Variants in HDGFL2 observed in about 807,000 individuals in gnomAD.
HDGFL2 encodes HDGF like 2.
In HDGFL2, 36 loss-of-function variants were observed where a neutral mutation model predicts 77.1. That is an observed-to-expected ratio of 0.47 (90% CI 0.36 to 0.62). The LOEUF (loss-of-function observed/expected upper bound fraction) is 0.62, where lower values mean the gene tolerates loss of function less well. HDGFL2 is among the 20% of genes least tolerant of loss of function. The pLI is 0.00. For missense variants in HDGFL2, 976 were observed against 973.4 expected, an observed-to-expected ratio of 1.00 and a Z score of -0.04; for synonymous variants, 463 against 413.1, an observed-to-expected ratio of 1.12 and a Z score of -1.46.
chr19:4,491,281 C>A (rs1599714797), intron 4 of HDGFL2, among the ~76,000 whole-genome samples: 2 of 126,220 alleles, frequency 1.6e-5, no homozygotes, highest in African/African-American at 5.8e-5. Flanking sequence ...CCCCCCACCC[C>A]CCCCGGCGCA....
rs58802974 is a variant in HDGFL2, at chr19:4,499,425, G to T, written c.1576-66G>T. The T allele has an allele frequency of 4.8e-3, 7,095 of 1,467,744 alleles. 306 individuals carry two copies. In the African/African-American group the frequency reaches 0.088, roughly 18 times the overall value. 90.9% of individuals were successfully genotyped at this position (1,467,744 alleles called of 1,614,324 possible). ...CGGGAGGGGCGCATTGCTGGGGCGAGGGGTTCAGAGCCGGGGCTAGGGCCG... is the reference window on the plus strand; with the variant it reads ...CGGGAGGGGCGCATTGCTGGGGCGATGGGTTCAGAGCCGGGGCTAGGGCCG... On this transcript the variant is annotated intron_variant, in intron 13 of 15. Coordinates refer to ENST00000616600, the MANE Select transcript of HDGFL2 (RefSeq NM_001001520.3).
chr19:4,493,756 G>A lies in HDGFL2; in HGVS notation c.732G>A (p.Lys244=). ...SDSKADSDGA[K]PEPVAMARSA... ...CCAAGGCCGATTCGGACGGGGCCAA[G>A]CCTGAGCCGGTGGCCATGGCGCGGT... Residue 244 remains lysine (K), a synonymous_variant, in exon 7 of 16, where the codon AAG becomes AAA. Coordinates refer to ENST00000616600, the MANE Select transcript of HDGFL2 (RefSeq NM_001001520.3). 9 of 1,541,972 alleles carry A rather than the reference G, an allele frequency of 5.8e-6. No individual in the cohort carries two copies. Among genetic ancestry groups the A allele is most frequent in the Admixed American group, 2.0e-5 (1 of 50,266 alleles).
intron 3 of HDGFL2, 80 bp from the exon 4 acceptor site, chr19:4,488,596 C>T (rs981358976): frequency 6.9e-6 from 9 of 1,298,284 alleles, no homozygotes; most frequent in Admixed American, 2.2e-5. Context: ...ATGTGGTTGC[C>T]GTCCTCTGGG....
Position 4,493,848 on chromosome 19 carries a change from G to A in HDGFL2, c.824G>A (p.Arg275Lys). The A allele has an allele frequency of 1.3e-6, 2 of 1,510,762 alleles. No homozygotes were observed. The highest frequency in any genetic ancestry group is 1.8e-6 in the Non-Finnish European group (2 of 1,123,362). The allele number at this position is 1,510,762 out of a possible 1,614,324, so 93.6% of individuals were successfully genotyped here. ...GATGTGTCTGTGAAGAAGCCTCCGA[G>A]GGGCAGGAAGCCAGGTAGGGCCCTC... ...DSDVSVKKPP[R>K]GRKPAEKPLP... Residue 275 changes from arginine to lysine, a missense_variant, in exon 7 of 16, where the codon AGG becomes AAG. Arg to Lys is a conservative substitution (Grantham distance 26). Coordinates refer to ENST00000616600, the MANE Select transcript of HDGFL2 (RefSeq NM_001001520.3).
intron 9 of HDGFL2, among the ~76,000 whole-genome samples, chr19:4,495,114 G>C (rs1021178489): frequency 6.6e-6 from 1 of 151,920 alleles, no homozygotes; most frequent in African/African-American, 2.4e-5. Context: ...TGGGCTGGGC[G>C]CAGTGGCTCA....
At chr19:4,482,096 G>C (rs1211548723) in intron 3 of HDGFL2, among the ~76,000 whole-genome samples, 4 of 137,828 alleles carry the variant, frequency 2.9e-5, no homozygotes, top group Non-Finnish European at 4.6e-5. Context: ...GCAGTGGCGC[G>C]ATCTCGGTTC....
rs969497483 is a variant in HDGFL2 at position 4,500,276 on chromosome 19, G to T, written c.1789+572G>T. Among the ~76,000 whole-genome samples, 3 of 152,116 alleles carry T rather than the reference G, an allele frequency of 2.0e-5. No individual in the cohort carries two copies. The East Asian group carries it at 5.8e-4, about 29-fold the overall frequency. ...GCCCAGGGGGCAGCCGAAGGCTAGT[G>T]TCTTTTTTTTCTTTTTTCTTTTTTT... On this transcript the variant is annotated intron_variant, in intron 14 of 15. Coordinates refer to ENST00000616600, the MANE Select transcript of HDGFL2 (RefSeq NM_001001520.3).
chr19:4,501,975 CG>C lies in HDGFL2; in HGVS notation c.1987del (p.Asp663ThrfsTer65). On this transcript the variant is annotated frameshift_variant, in exon 16 of 16. Transcript: ENST00000616600. LOFTEE classifies it high-confidence loss of function. ...GSDRQERERA[R>X]GDSEALDEES ...CGACCGGCAGGAGCGCGAGAGGGCA[CG>C]GGGGGACTCGGAGGCCCTGGACGAG... 6.6e-7 allele frequency: 1 copy of C among 1,511,858 alleles called. No homozygotes were observed. The allele number at this position is 1,511,858 out of a possible 1,614,324, so 93.7% of individuals were successfully genotyped here.
rs762741552 is a variant in HDGFL2 at position 4,491,615 on chromosome 19, C to A, written c.539C>A (p.Ala180Asp). 5.0e-6 allele frequency: 8 copies of A among 1,614,002 alleles called. No homozygotes were observed. In the Admixed American group the frequency reaches 1.3e-4, roughly 27 times the overall value. The stretch of plus-strand genomic sequence containing the variant: ...AAGGCCTCCAGCGACCTGGATCAGG[C>A]CAGCGTGTCCCCATCCGAAGAGGAG... ...ARKASSDLDQ[A>D]SVSPSEEENS... is the part of the protein sequence containing the mutation. The change falls in exon 5 of 16, where the codon GCC (alanine) becomes GAC (aspartate). Residue 180 changes from alanine (A) to aspartate (D), a missense_variant. This residue lies in a region of HDGFL2 where 567 missense variants were observed against 534.7 expected (regional missense o/e 1.06). Transcript: ENST00000616600.
Position 4,491,833 on chromosome 19 carries a change from A to G in HDGFL2, c.676A>G (p.Lys226Glu), listed in dbSNP as rs1442934895. Residue 226 changes from lysine to glutamate, a missense_variant and splice_region_variant, in exon 6 of 16, where the codon AAG becomes GAG. Lys to Glu is a moderately conservative substitution (Grantham distance 56). Around this residue, in one of 5 missense-constraint regions of HDGFL2, gnomAD observed 567 missense variants for 534.7 expected, o/e 1.06. Coordinates refer to ENST00000616600, the MANE Select transcript of HDGFL2 (RefSeq NM_001001520.3). ...RRGPLGGRKK[K>E]KAPSASDSDS... ...GGGCCCTCTGGGGGGACGGAAAAAA[A>G]AGGTAGCGTGCACTTGACTTTGTTT... 6.2e-7 allele frequency: 1 copy of G among 1,613,706 alleles called. No individual in the cohort carries two copies. The highest frequency in any genetic ancestry group is 8.5e-7 in the Non-Finnish European group (1 of 1,179,754).
chr19:4,473,903 G>A (rs2145145878), intron 1 of HDGFL2, among the ~76,000 whole-genome samples: 1 of 152,026 alleles, frequency 6.6e-6, no homozygotes, highest in South Asian at 2.1e-4. Context: ...GGCCCAGGGA[G>A]TGGGAGCGCT....
In HDGFL2 at chr19:4,488,788, C is replaced by A; in HGVS notation, c.401C>A (p.Thr134Lys). 6.4e-7 allele frequency: 1 copy of A among 1,552,050 alleles called. No homozygotes were observed. The highest frequency in any genetic ancestry group is 2.4e-5 in the East Asian group (1 of 40,972). ...ATGGCCGTCACAGCGGTAACCGCCA[C>A]AGCTGCCAGCGACAGGATGGAGAGC... is the stretch of plus-strand genomic sequence containing the variant. ...GVMAVTAVTA[T>K]AASDRMESDS... Residue 134 changes from threonine (T) to lysine (K), a missense_variant, in exon 4 of 16, where the codon ACA (threonine) becomes AAA (lysine). Around this residue, in one of 5 missense-constraint regions of HDGFL2, gnomAD observed 567 missense variants for 534.7 expected, o/e 1.06. Coordinates refer to ENST00000616600, the MANE Select transcript of HDGFL2 (RefSeq NM_001001520.3).
At chr19:4,488,117 C>T (rs1599711330) in intron 3 of HDGFL2, among the ~76,000 whole-genome samples, 1 of 152,020 alleles carries the variant, frequency 6.6e-6, no homozygotes, top group South Asian at 2.1e-4. Flanking sequence ...ATTACAGGCG[C>T]CCACCACCAC....
intron 3 of HDGFL2, among the ~76,000 whole-genome samples, chr19:4,483,885 G>A (rs1159548827): frequency 6.8e-6 from 1 of 147,140 alleles, no homozygotes; most frequent in African/African-American, 2.5e-5. Context: ...TGCCTCTCGT[G>A]TTCAAGCGAT....
At chr19:4,477,254 G>C (rs1975096130) in intron 3 of HDGFL2, among the ~76,000 whole-genome samples, 1 of 152,312 alleles carries the variant, frequency 6.6e-6, no homozygotes, top group South Asian at 2.1e-4. Flanking sequence ...CAGGAACAGG[G>C]ATGAGTCAGG....
At position 4,494,246 on chromosome 19, in the gene HDGFL2, G is replaced by A; in HGVS notation, c.995G>A (p.Arg332Gln). 1.4e-6 allele frequency: 2 copies of A among 1,461,866 alleles called. No homozygotes were observed. The highest frequency in any genetic ancestry group is 1.8e-6 in the Non-Finnish European group (2 of 1,110,506). 90.6% of individuals were successfully genotyped at this position (1,461,866 alleles called of 1,614,324 possible). Residue 332 changes from arginine to glutamine, a missense_variant, in exon 9 of 16, where the codon CGG becomes CAG. By Grantham distance (43) the Arg-to-Gln change is conservative. Around this residue, in one of 5 missense-constraint regions of HDGFL2, gnomAD observed 567 missense variants for 534.7 expected, o/e 1.06. Transcript: ENST00000616600. The stretch of plus-strand genomic sequence containing the variant: ...AGGCGCGAGCTGGAGGCCCGGCGGC[G>A]GCGAGAGCAGGAGGAGGAGCTGCGG... ...ARRRELEARR[R>Q]REQEEELRRL...
intron 15 of HDGFL2, 145 bp from the exon 16 acceptor site, chr19:4,501,766 A>G: frequency 1.7e-6 from 1 of 591,686 alleles, no homozygotes; most frequent in South Asian, 2.5e-5. Flanking sequence ...CTCTAGTGGC[A>G]GAAGACAGGC....
rs1312343665 is a variant in HDGFL2 at position 4,499,695 on chromosome 19, C to T, written c.1780C>T (p.Pro594Ser). Residue 594 changes from proline (P) to serine (S), a missense_variant, in exon 14 of 16, where the codon CCC becomes TCC. Physicochemically the swap from Pro to Ser is moderately conservative, Grantham distance 74 (BLOSUM62 -1). Coordinates refer to ENST00000616600, the MANE Select transcript of HDGFL2 (RefSeq NM_001001520.3). ...CCCCCAGGAGAAGGCGGAGGACAAG[C>T]CCAGCACCGGTGAGGGGCGGGTGGG... Reference protein sequence around the residue: ...EAPQEKAEDKPSTDLSAPVNG... With the variant: ...EAPQEKAEDKSSTDLSAPVNG... 2.5e-6 allele frequency: 4 copies of T among 1,571,522 alleles called. No homozygotes were observed. Among genetic ancestry groups the T allele is most frequent in the Non-Finnish European group, 3.5e-6 (4 of 1,159,152 alleles).
intron 1 of HDGFL2, chr19:4,475,014 G>A (rs1476475198): frequency 4.2e-6 from 2 of 481,344 alleles, no homozygotes; most frequent in African/African-American, 3.9e-5. Flanking sequence ...CAGAGGGCCG[G>A]ATCTGGCTTT....
Sources: gnomAD v4.1 joint callset for allele counts (sites outside exome capture counted in the v4.1 genomes callset) on GRCh38, gnomAD v4.1.1 for gene constraint, gnomAD v4.1.1 regional missense constraint, MANE v1.5 for transcripts, NCBI Gene and HGNC (gene_info 2026-07-23, HGNC 2026-07-21) for gene names.